Variants in AP3B2 observed in about 807,000 individuals in gnomAD.
The protein encoded by AP3B2 is adaptor related protein complex 3 subunit beta 2, also known as AP-3 complex subunit beta-2.
Under a neutral mutation model 126.9 loss-of-function variants are expected in AP3B2, and 50 were observed. That is an observed-to-expected ratio of 0.39 (90% confidence interval 0.31 to 0.50). The LOEUF (loss-of-function observed/expected upper bound fraction) is 0.50, where lower values mean the gene tolerates loss of function less well. AP3B2 is among the 20% of genes least tolerant of loss of function. AP3B2 has a pLI of 0.79. For synonymous variants in AP3B2, 541 were observed against 565.0 expected (o/e 0.96, Z 0.60); for missense variants, 1,177 against 1,426.4 (o/e 0.83, Z 2.82).
At chr15:82,689,113 C>G (rs760991807) in intron 3 of AP3B2, 45 bp downstream of exon 3, 29 of 1,601,518 alleles carry the variant, frequency 1.8e-5, no homozygotes, top group Non-Finnish European at 2.1e-5. Flanking sequence ...GAGTGTGGTC[C>G]TGGGGGAGGT....
chr15:82,692,396 C>A, intron 1 of AP3B2: 1 of 491,164 alleles, frequency 2.0e-6, no homozygotes, highest in Non-Finnish European at 3.6e-6. Flanking sequence ...AATCCCCCCG[C>A]AGCGTCCCCG....
chr15:82,699,014 T>C (rs1260517779), intron 1 of AP3B2, among the ~76,000 whole-genome samples: 1 of 152,000 alleles, frequency 6.6e-6, no homozygotes, highest in East Asian at 1.9e-4. Context: ...CCCACCAACT[T>C]CTGTTCCCAA....
intron 1 of AP3B2, among the ~76,000 whole-genome samples, chr15:82,706,252 T>C (rs76046562): frequency 3.3e-5 from 5 of 152,172 alleles, no homozygotes; most frequent in African/African-American, 1.2e-4. Flanking sequence ...CCCCCTCCAC[T>C]ACCTCTCAGA....
rs750446887 is a variant in AP3B2 at position 82,680,534 on chromosome 15, C to T, written c.993G>A (p.Leu331=). The change falls in exon 8 of 27, where the codon CTG becomes CTA. Residue 331 remains leucine (L), a synonymous_variant. Coordinates refer to ENST00000535359, the MANE Select transcript of AP3B2 (RefSeq NM_001278512.2). This position sits in a 1 kb window ranked among gnomAD's most constrained non-coding sequence, Gnocchi z 6.1. ...TGACGCCCACTTCCGCCTTGGGCGC[C>T]AGGTGGAAGTAGAGCTGCGCCACCG... The part of the protein sequence containing the change: ...VMAVAQLYFH[L]APKAEVGVIA... 38 of 1,551,442 alleles carry T rather than the reference C, an allele frequency of 2.4e-5. No individual in the cohort carries two copies. The highest frequency in any genetic ancestry group is 4.1e-5 in the African/African-American group (3 of 73,568).
intron 14 of AP3B2, among the ~76,000 whole-genome samples, chr15:82,675,966 C>T (rs1192294793): frequency 6.6e-6 from 1 of 152,168 alleles, no homozygotes; most frequent in African/African-American, 2.4e-5. Context: ...TCATCCTTGG[C>T]TGTGTATCTC....
At position 82,680,082 on chromosome 15, in the gene AP3B2, T is replaced by C; in HGVS notation, c.1110+93A>G. 1.3e-6 allele frequency: 2 copies of C among 1,536,600 alleles called. No individual in the cohort carries two copies. Among genetic ancestry groups the C allele is most frequent in the Middle Eastern group, 1.7e-4 (1 of 5,792 alleles). Reference sequence around the variant, plus strand: ...AGCCAGGGTATTCCTCCATCTTCCCTTTCCCCGGCCCCGGTCCCAGCCCCG... The same window carrying C: ...AGCCAGGGTATTCCTCCATCTTCCCCTTCCCCGGCCCCGGTCCCAGCCCCG... On this transcript the variant is annotated intron_variant, in intron 9 of 26. Transcript: ENST00000535359. This position sits in a 1 kb window ranked among gnomAD's most constrained non-coding sequence, Gnocchi z 6.1.
intron 1 of AP3B2, among the ~76,000 whole-genome samples, chr15:82,691,401 AAGC>A (rs1358332562): frequency 2.0e-5 from 3 of 152,180 alleles, no homozygotes; most frequent in Admixed American, 2.0e-4. Context: ...ACATATTTTT[AAGC>A]AGAATGGGCC....
At chr15:82,688,657 A>G (rs771115052) in intron 4 of AP3B2, 79 bp downstream of exon 4, 11 of 1,343,436 alleles carry the variant, frequency 8.2e-6, no homozygotes, top group Non-Finnish European at 1.0e-5. Context: ...TCCCATGCTC[A>G]TGGCCTCTCC....
Position 82,664,782 on chromosome 15 carries a change from C to A in AP3B2, c.2137+53G>T. 1 of 1,376,488 alleles carries A rather than the reference C, an allele frequency of 7.3e-7. No individual in the cohort carries two copies. The highest frequency in any genetic ancestry group is 1.3e-5 in the South Asian group (1 of 79,256). 85.3% of individuals were successfully genotyped at this position (1,376,488 alleles called of 1,614,324 possible). On this transcript the variant is annotated intron_variant, in intron 18 of 26. Coordinates refer to ENST00000535359, the MANE Select transcript of AP3B2 (RefSeq NM_001278512.2). The surrounding 1 kb of genome is among the most constrained non-coding windows in gnomAD (Gnocchi z 4.5). The stretch of plus-strand genomic sequence containing the variant: ...TACATATACCCCTCATATAGTCAGT[C>A]ACACAGATGCATGGGCAGAGCACAG...
chr15:82,662,583 G>C, intron 23 of AP3B2, 111 bp downstream of exon 23: 4 of 989,986 alleles, frequency 4.0e-6, no homozygotes, highest in Non-Finnish European at 6.0e-6. Context: ...TGCTATCTCT[G>C]TGCCCCTATA....
Position 82,709,550 on chromosome 15 carries a change from C to T in AP3B2, c.113+44G>A, listed in dbSNP as rs759690202. 4 of 1,399,284 alleles carry T rather than the reference C, an allele frequency of 2.9e-6. No homozygotes were observed. In the South Asian group the frequency reaches 5.6e-5, roughly 20 times the overall value. 86.7% of individuals were successfully genotyped at this position (1,399,284 alleles called of 1,614,324 possible). A position where few individuals can be genotyped will look rare whatever the true frequency, so the allele number is the denominator to read the frequency against. On this transcript the variant is annotated intron_variant, in intron 1 of 26. Transcript: ENST00000535359. ...TGGTGCCCGCGCGCCTCGCCCGGTC[C>T]CCGGCCCCAACCCTCCCGCGAGCTT...
intron 1 of AP3B2, chr15:82,691,811 G>A: frequency 6.9e-7 from 1 of 1,441,534 alleles, no homozygotes; most frequent in South Asian, 1.1e-5. Flanking sequence ...CCGAGACTGT[G>A]AGTAGCCATA....
intron 4 of AP3B2, chr15:82,688,457 G>C (rs1286663052): frequency 1.4e-6 from 1 of 702,158 alleles, no homozygotes; most frequent in Admixed American, 2.0e-5. Context: ...CTCTCCGGGG[G>C]CTCAAGTGGT....
At chr15:82,668,457 G>A in intron 14 of AP3B2, among the ~76,000 whole-genome samples, 1 of 152,196 alleles carries the variant, frequency 6.6e-6, no homozygotes, top group East Asian at 1.9e-4. Context: ...TCAAGAGGCT[G>A]CTGATCCCTC....
At chr15:82,671,537 G>A (rs1268569228) in intron 14 of AP3B2, among the ~76,000 whole-genome samples, 3 of 150,892 alleles carry the variant, frequency 2.0e-5, no homozygotes, top group East Asian at 4.0e-4. Context: ...AAGAGATCAA[G>A]ACCATCCTGG....
intron 12 of AP3B2, 94 bp downstream of exon 12, chr15:82,677,577 A>T (rs1168384046): frequency 6.9e-7 from 1 of 1,451,794 alleles, no homozygotes; most frequent in Non-Finnish European, 9.2e-7. Flanking sequence ...CATTGTGTCT[A>T]GGCAGACTGG....
intron 9 of AP3B2, among the ~76,000 whole-genome samples, 174 bp from the exon 10 acceptor site, chr15:82,679,974 T>C (rs1457566118): frequency 6.6e-6 from 1 of 152,104 alleles, no homozygotes; most frequent in African/African-American, 2.4e-5. Context: ...CTTTTTCCAC[T>C]GGACATCCCC....
intron 21 of AP3B2, 80 bp downstream of exon 21, chr15:82,663,480 G>C: frequency 6.7e-7 from 1 of 1,495,110 alleles, no homozygotes. Context: ...TGAGGAACCC[G>C]ATCCAGAGTC....
intron 1 of AP3B2, chr15:82,708,675 C>T (rs925584645): frequency 1.2e-4 from 18 of 152,338 alleles, no homozygotes; most frequent in African/African-American, 4.3e-4. Flanking sequence ...CTTCAGGAGT[C>T]CTCCCCACCC....
Sources: gnomAD v4.1 joint callset for allele counts (sites outside exome capture counted in the v4.1 genomes callset) on GRCh38, gnomAD v4.1.1 for gene constraint, Gnocchi (gnomAD v3.1) non-coding constraint, MANE v1.5 for transcripts, NCBI Gene and HGNC (gene_info 2026-07-23, HGNC 2026-07-21) for gene names.